The following LHFPL6 variants were observed in gnomAD, a reference collection of about 807,000 sequenced individuals.
The protein encoded by LHFPL6 is LHFPL tetraspan subfamily member 6 protein.
Under a neutral mutation model 20.6 loss-of-function variants are expected in LHFPL6, and 9 were observed. The observed-to-expected ratio is 0.44, with a 90% confidence interval of 0.26 to 0.76. The LOEUF (loss-of-function observed/expected upper bound fraction) is 0.76. Ranked by LOEUF, LHFPL6 falls within the 30% of genes least tolerant of loss-of-function variation. The probability of loss-of-function intolerance (pLI) is 0.20; values close to 1 mark genes in which losing one functional copy is unlikely to be tolerated. For synonymous variants in LHFPL6, 105 were observed against 98.7 expected (o/e 1.06, Z -0.38); for missense variants, 218 against 253.5 (o/e 0.86, Z 0.95).
At chr13:39,508,985 A>G (rs928361156) in intron 2 of LHFPL6, among the ~76,000 whole-genome samples, 8 of 152,244 alleles carry the variant, frequency 5.3e-5, no homozygotes, top group African/African-American at 1.9e-4. Flanking sequence ...CTCCCAGTTG[A>G]TCCACATTCT....
chr13:39,461,713 A>C (rs986598338), intron 2 of LHFPL6, among the ~76,000 whole-genome samples: 1 of 152,174 alleles, frequency 6.6e-6, no homozygotes, highest in African/African-American at 2.4e-5. Flanking sequence ...GGGAACCAAA[A>C]AGGGTGAAGG....
intron 2 of LHFPL6, among the ~76,000 whole-genome samples, chr13:39,497,045 T>C (rs1263842819): frequency 6.6e-6 from 1 of 152,106 alleles, no homozygotes; most frequent in Non-Finnish European, 1.5e-5. Flanking sequence ...AAAAACAAAA[T>C]TGAACTATTA....
At chr13:39,575,610 G>A (rs1419005603) in intron 2 of LHFPL6, among the ~76,000 whole-genome samples, 1 of 152,068 alleles carries the variant, frequency 6.6e-6, no homozygotes, top group South Asian at 2.1e-4. Flanking sequence ...AAGTGATAAC[G>A]CTGTGAATCA....
chr13:39,419,837 T>C (rs904777940), intron 2 of LHFPL6, among the ~76,000 whole-genome samples: 1 of 152,212 alleles, frequency 6.6e-6, no homozygotes, highest in African/African-American at 2.4e-5. Flanking sequence ...CTCACCAATA[T>C]AGGTTATGAT....
At chr13:39,369,324 A>G (rs1870093619) in intron 3 of LHFPL6, among the ~76,000 whole-genome samples, 1 of 152,158 alleles carries the variant, frequency 6.6e-6, no homozygotes, top group African/African-American at 2.4e-5. Context: ...TCCACACTGA[A>G]ATAACCAAGC....
At chr13:39,401,971 C>T (rs1276615450) in intron 2 of LHFPL6, among the ~76,000 whole-genome samples, 4 of 152,086 alleles carry the variant, frequency 2.6e-5, no homozygotes, top group Non-Finnish European at 5.9e-5. Flanking sequence ...CAGATGTATA[C>T]CGTCCGATAT....
chr13:39,353,049 C>T (rs1217733013), intron 3 of LHFPL6, among the ~76,000 whole-genome samples: 4 of 143,758 alleles, frequency 2.8e-5, no homozygotes, highest in African/African-American at 5.2e-5. Flanking sequence ...AGTGCAATGG[C>T]GCTCACTGCA....
intron 2 of LHFPL6, among the ~76,000 whole-genome samples, chr13:39,453,080 C>A (rs922688901): frequency 6.6e-6 from 1 of 152,186 alleles, no homozygotes; most frequent in Non-Finnish European, 1.5e-5. Flanking sequence ...AGCCTGCTGA[C>A]TTCACTCACC....
At chr13:39,420,180 T>A (rs963781606) in intron 2 of LHFPL6, among the ~76,000 whole-genome samples, 9 of 152,196 alleles carry the variant, frequency 5.9e-5, no homozygotes, top group Non-Finnish European at 1.0e-4. Context: ...CTCTCAGAAA[T>A]AAGGCTTATT....
chr13:39,451,926 A>ATGTG (rs746664779), intron 2 of LHFPL6, among the ~76,000 whole-genome samples: 13 of 151,280 alleles, frequency 8.6e-5, no homozygotes, highest in South Asian at 2.1e-4. Context: ...TACAGGAAAT[A>ATGTG]TGTGTGTGTG....
At chr13:39,399,257 T>A (rs1337476518) in intron 2 of LHFPL6, among the ~76,000 whole-genome samples, 1 of 152,364 alleles carries the variant, frequency 6.6e-6, no homozygotes, top group Middle Eastern at 3.4e-3. Flanking sequence ...CTTACAGCTA[T>A]CTTGTTGAGA....
intron 2 of LHFPL6, among the ~76,000 whole-genome samples, chr13:39,402,818 T>C (rs1430993831): frequency 2.0e-5 from 3 of 152,248 alleles, no homozygotes; most frequent in African/African-American, 7.2e-5. Flanking sequence ...AGCCAGCAGC[T>C]TAATCTATGT....
intron 2 of LHFPL6, among the ~76,000 whole-genome samples, chr13:39,491,281 G>A (rs1374072149): frequency 2.6e-5 from 4 of 152,190 alleles, no homozygotes; most frequent in Non-Finnish European, 5.9e-5. Flanking sequence ...GTAATTCCTA[G>A]TCTGGGCCAT....
At chr13:39,349,812 A>G (rs763936941) in intron 3 of LHFPL6, among the ~76,000 whole-genome samples, 2 of 152,202 alleles carry the variant, frequency 1.3e-5, no homozygotes, top group Non-Finnish European at 2.9e-5. Flanking sequence ...GCCAGGGAAC[A>G]GTATGCTTGG....
chr13:39,393,562 A>C (rs1028041327), intron 2 of LHFPL6, among the ~76,000 whole-genome samples: 1 of 152,178 alleles, frequency 6.6e-6, no homozygotes, highest in Non-Finnish European at 1.5e-5. Flanking sequence ...AGAGCAAGTT[A>C]GAATTCAGGG....
At chr13:39,518,147 A>T (rs983633326) in intron 2 of LHFPL6, among the ~76,000 whole-genome samples, 2 of 150,798 alleles carry the variant, frequency 1.3e-5, no homozygotes, top group Admixed American at 1.3e-4. Flanking sequence ...ACTTTCGAAT[A>T]GCGACGCTCA....
At chr13:39,512,381 T>A (rs1869741504) in intron 2 of LHFPL6, among the ~76,000 whole-genome samples, 1 of 152,090 alleles carries the variant, frequency 6.6e-6, no homozygotes, top group Non-Finnish European at 1.5e-5. Context: ...GGCGTGTGGA[T>A]CACGAGGTCA....
chr13:39,545,976 T>C (rs1870970818), intron 2 of LHFPL6, among the ~76,000 whole-genome samples: 1 of 152,120 alleles, frequency 6.6e-6, no homozygotes, highest in African/African-American at 2.4e-5. Context: ...TATTTTATTG[T>C]TTTTCTTTTC....
intron 2 of LHFPL6, among the ~76,000 whole-genome samples, chr13:39,404,887 G>A (rs1393540093): frequency 6.6e-6 from 1 of 152,158 alleles, no homozygotes; most frequent in Non-Finnish European, 1.5e-5. Context: ...TGTGCAAAAT[G>A]AATGGTCAAT....
Sources: gnomAD v4.1 joint callset for allele counts (sites outside exome capture counted in the v4.1 genomes callset) on GRCh38, gnomAD v4.1.1 for gene constraint, MANE v1.5 for transcripts, NCBI Gene and HGNC (gene_info 2026-07-23, HGNC 2026-07-21) for gene names.